ZNF385D: variants seen among roughly 807,000 people sequenced by gnomAD.
ZNF385D encodes zinc finger protein 659.
ZNF385D carries 15 observed loss-of-function variants against 35.8 expected under a neutral mutation model. The ratio of observed to expected loss-of-function variants is 0.42; its 90% confidence interval spans 0.28 to 0.64. The LOEUF (loss-of-function observed/expected upper bound fraction) is 0.64, where lower values mean the gene tolerates loss of function less well. Among genes scored for constraint, ZNF385D ranks in the 30% least tolerant of loss-of-function variants. The pLI is 0.23. For synonymous variants in ZNF385D, 212 were observed against 186.8 expected, an observed-to-expected ratio of 1.13 and a Z score of -1.10; for missense variants, 474 against 494.6, an observed-to-expected ratio of 0.96 and a Z score of 0.39.
intron 3 of ZNF385D, among the ~76,000 whole-genome samples, chr3:21,554,765 C>G (rs1021806303): frequency 4.6e-5 from 7 of 152,250 alleles, no homozygotes; most frequent in African/African-American, 1.4e-4. Flanking sequence ...GCAGCTTCAC[C>G]GTGCACGTTT....
intron 1 of ZNF385D, among the ~76,000 whole-genome samples, chr3:21,665,709 T>C (rs1464318573): frequency 6.6e-6 from 1 of 152,120 alleles, no homozygotes; most frequent in Non-Finnish European, 1.5e-5. Flanking sequence ...AGTGGGAATA[T>C]TATGCCAACA....
intron 3 of ZNF385D, among the ~76,000 whole-genome samples, chr3:22,026,334 C>A (rs1697551725): frequency 6.6e-6 from 1 of 152,120 alleles, no homozygotes; most frequent in African/African-American, 2.4e-5. Context: ...ACATTACCGA[C>A]AATTTATGTG....
chr3:21,793,451 T>C (rs1051610388), intron 3 of ZNF385D, among the ~76,000 whole-genome samples: 10 of 152,226 alleles, frequency 6.6e-5, no homozygotes, highest in African/African-American at 2.2e-4. Flanking sequence ...GAAATGCAGA[T>C]TCTCAGGGAC....
At chr3:21,699,242 A>G (rs1264132691) in intron 1 of ZNF385D, among the ~76,000 whole-genome samples, 3 of 152,194 alleles carry the variant, frequency 2.0e-5, no homozygotes, top group Admixed American at 1.3e-4. Context: ...ACAAGAACAG[A>G]AAACCAAACA....
chr3:22,324,943 C>T (rs1694608074), intron 2 of ZNF385D, among the ~76,000 whole-genome samples: 1 of 152,132 alleles, frequency 6.6e-6, no homozygotes, highest in Non-Finnish European at 1.5e-5. Context: ...ATCTGTATGA[C>T]CTTGAGCAAG....
chr3:21,477,760 C>G (rs530841868), intron 4 of ZNF385D, among the ~76,000 whole-genome samples: 1 of 152,244 alleles, frequency 6.6e-6, no homozygotes, highest in South Asian at 2.1e-4. Context: ...TCTCTGATGT[C>G]CCAAAAATCT....
chr3:22,145,534 A>C (rs186476439), intron 3 of ZNF385D, among the ~76,000 whole-genome samples: 1 of 152,212 alleles, frequency 6.6e-6, no homozygotes, highest in Non-Finnish European at 1.5e-5. Flanking sequence ...GAAGAATACT[A>C]TTTTTTCCCA....
At chr3:22,255,349 AACAG>A (rs1215551990) in intron 2 of ZNF385D, among the ~76,000 whole-genome samples, 5 of 151,802 alleles carry the variant, frequency 3.3e-5, no homozygotes, top group South Asian at 2.1e-4. Context: ...GGAAATAATG[AACAG>A]ACAAATATAT....
At chr3:21,992,479 A>G (rs1285625716) in intron 3 of ZNF385D, among the ~76,000 whole-genome samples, 3 of 152,182 alleles carry the variant, frequency 2.0e-5, no homozygotes, top group South Asian at 2.1e-4. Flanking sequence ...GCTATCATGT[A>G]TTCAACTCTT....
At chr3:22,107,026 GT>G (rs10676871) in intron 3 of ZNF385D, among the ~76,000 whole-genome samples, 32 of 118,828 alleles carry the variant, frequency 2.7e-4, no homozygotes, top group East Asian at 1.1e-3. Flanking sequence ...TGGAATGAGA[GT>G]TTTTTTTTTT....
At chr3:21,754,129 A>G (rs530442276), upstream of ZNF385D, among the ~76,000 whole-genome samples, 4 of 152,344 alleles carry the variant, frequency 2.6e-5, no homozygotes, top group African/African-American at 4.8e-5. Flanking sequence ...TAATACTGCA[A>G]TGAACATGGT....
intron 3 of ZNF385D, among the ~76,000 whole-genome samples, chr3:21,773,949 A>G (rs190248194): frequency 3.9e-5 from 6 of 152,118 alleles, no homozygotes; most frequent in East Asian, 3.9e-4. Flanking sequence ...AAATCATTCT[A>G]TTGTAAAGAT....
intron 3 of ZNF385D, among the ~76,000 whole-genome samples, chr3:22,146,547 G>A (rs1269020230): frequency 6.6e-6 from 1 of 151,890 alleles, no homozygotes; most frequent in Non-Finnish European, 1.5e-5. Context: ...ACTTTTTATG[G>A]TTGTCCATTT....
Position 22,206,161 on chromosome 3 carries a change from C to T in ZNF385D, c.107-37126G>A, listed in dbSNP as rs754476584. Among the ~76,000 whole-genome samples the T allele has an allele frequency of 2.0e-4, 30 of 151,708 alleles. 1 individual carries two copies. Among genetic ancestry groups the T allele is most frequent in the Admixed American group, 1.9e-3 (29 of 15,198 alleles). Reference sequence around the variant, plus strand: ...ACATCAGACAAAATAGATATCAAGACAAAAACTATAAAAAGAGACAAAGAG... The same window carrying T: ...ACATCAGACAAAATAGATATCAAGATAAAAACTATAAAAAGAGACAAAGAG... On this transcript the variant is annotated intron_variant, in intron 2 of 5. Transcript: ENST00000494108.
chr3:22,001,089 A>T lies in ZNF385D; in HGVS notation c.325+167728T>A, dbSNP rs540366566. ...TAAGAGAGGAAAAAAGGAACAAAAG[A>T]CATACAAAATAACCAGAAAGCAATT... On this transcript the variant is annotated intron_variant, in intron 3 of 5. Coordinates refer to the ZNF385D transcript ENST00000494108. Among the ~76,000 whole-genome samples the T allele has an allele frequency of 6.2e-4, 94 of 152,256 alleles. 2 individuals are homozygous for T. In the South Asian group the frequency reaches 0.013, roughly 21 times the overall value.
chr3:22,001,160 A>T (rs964763098), intron 3 of ZNF385D, among the ~76,000 whole-genome samples: 7 of 152,124 alleles, frequency 4.6e-5, no homozygotes, highest in African/African-American at 1.7e-4. Flanking sequence ...AATCGTCTTG[A>T]ATATAAACAG....
intron 1 of ZNF385D, among the ~76,000 whole-genome samples, chr3:21,736,884 A>G (rs1167055367): frequency 6.6e-6 from 1 of 152,224 alleles, no homozygotes; most frequent in African/African-American, 2.4e-5. Context: ...AAATTTCCAT[A>G]GGGCATTTTG....
At chr3:22,119,646 T>C (rs997473095) in intron 3 of ZNF385D, among the ~76,000 whole-genome samples, 3 of 152,124 alleles carry the variant, frequency 2.0e-5, no homozygotes, top group African/African-American at 4.8e-5. Flanking sequence ...TATGGTTACT[T>C]CAGCCACTGT....
At chr3:21,971,889 G>C (rs765708232) in intron 3 of ZNF385D, among the ~76,000 whole-genome samples, 1 of 151,812 alleles carries the variant, frequency 6.6e-6, no homozygotes, top group Admixed American at 6.6e-5. Flanking sequence ...TAATGATAAA[G>C]GGATGAATAA....
Sources: gnomAD v4.1 joint callset for allele counts (sites outside exome capture counted in the v4.1 genomes callset) on GRCh38, gnomAD v4.1.1 for gene constraint, MANE v1.5 for transcripts, NCBI Gene and HGNC (gene_info 2026-07-23, HGNC 2026-07-21) for gene names.